Variants in SIK3 observed in about 807,000 individuals in gnomAD.
The protein encoded by SIK3 is serine/threonine-protein kinase SIK3.
In SIK3, 28 loss-of-function variants were observed where a neutral mutation model predicts 144.2. The observed-to-expected ratio is 0.19, with a 90% CI of 0.14 to 0.27. The LOEUF is 0.27. SIK3 is among the 10% of genes least tolerant of loss of function. SIK3 has a pLI of 1.00. For missense variants in SIK3, 1,319 were observed against 1,776.0 expected (o/e 0.74, Z 4.62); for synonymous variants, 686 against 676.3 (o/e 1.01, Z -0.22).
At chr11:116,962,683 A>C (rs7120762) in intron 1 of SIK3, among the ~76,000 whole-genome samples, 11,152 of 152,216 alleles carry the variant, frequency 0.073, 742 homozygotes, top group African/African-American at 0.18. Flanking sequence ...AGATCTGTAC[A>C]GTGTAATACA....
At chr11:116,932,431 T>G (rs1366608075) in intron 3 of SIK3, among the ~76,000 whole-genome samples, 1 of 152,212 alleles carries the variant, frequency 6.6e-6, no homozygotes, top group Non-Finnish European at 1.5e-5. Context: ...TGCGTATGTA[T>G]AGTTCTATGT....
chr11:116,843,936 G>T lies in SIK3; in HGVS notation c.*1707C>A, dbSNP rs1941722489. 6.6e-6 allele frequency: 1 copy of T among 152,170 alleles called. No individual in the cohort carries two copies. The highest frequency in any genetic ancestry group is 1.5e-5 in the Non-Finnish European group (1 of 68,064). 9.4% of individuals were successfully genotyped at this position (152,170 alleles called of 1,614,324 possible). On this transcript the variant is annotated 3_prime_UTR_variant, in exon 25 of 25. Transcript: ENST00000445177. ...CCGAGCTGCCAGTATCAGTGGAGAA[G>T]GACAAGGTGCATGGGGATCCCGCCA...
In SIK3 at chr11:116,927,211, G is replaced by A. The variant is rs372231653; in HGVS notation, c.616+8C>T. The A allele has an allele frequency of 1.2e-6, 2 of 1,611,866 alleles. No homozygotes were observed. The highest frequency in any genetic ancestry group is 1.6e-4 in the Middle Eastern group (1 of 6,074). On this transcript the variant is annotated splice_region_variant and intron_variant, in intron 4 of 24. Transcript: ENST00000445177. ...GTCCCTATCTGACATCCTCAGTACA[G>A]TTCTCACCTGCTATTTTGATATTCA...
intron 1 of SIK3, among the ~76,000 whole-genome samples, chr11:117,096,748 G>C (rs1955492085): frequency 6.6e-6 from 1 of 152,172 alleles, no homozygotes; most frequent in South Asian, 2.1e-4. Context: ...CAGGCAGAAA[G>C]ATGGTGGGGA....
chr11:116,844,842 T>C lies in SIK3; in HGVS notation c.*801A>G, dbSNP rs937788456. The C allele has an allele frequency of 6.6e-6, 1 of 151,240 alleles. No individual in the cohort carries two copies. Among genetic ancestry groups the C allele is most frequent in the African/African-American group, 2.4e-5 (1 of 41,146 alleles). The allele number at this position is 151,240 out of a possible 1,614,324, so 9.4% of individuals were successfully genotyped here. ...GCAGGATGATAAAGGCAACCAACTT[T>C]CCAGGTTACAAGAGGGGAGCTGAGT... On this transcript the variant is annotated 3_prime_UTR_variant, in exon 25 of 25. Transcript: ENST00000445177.
intron 1 of SIK3, among the ~76,000 whole-genome samples, chr11:116,969,247 A>G (rs1949679615): frequency 2.2e-5 from 3 of 136,484 alleles, no homozygotes; most frequent in Admixed American, 1.7e-4. Flanking sequence ...CCGAGATGGC[A>G]CCACCGCACT....
chr11:117,006,881 A>G (rs564029890), intron 1 of SIK3, among the ~76,000 whole-genome samples: 43 of 152,306 alleles, frequency 2.8e-4, no homozygotes, highest in African/African-American at 1.0e-3. Flanking sequence ...TCTTGTTATT[A>G]AATACTATTA....
Position 116,873,929 on chromosome 11 carries a change from G to C in SIK3, c.1555C>G (p.Gln519Glu), listed in dbSNP as rs773351613. The C allele has an allele frequency of 1.5e-5, 25 of 1,613,070 alleles. No individual in the cohort carries two copies. Among genetic ancestry groups the C allele is most frequent in the Non-Finnish European group, 1.9e-5 (23 of 1,179,650 alleles). Residue 519 changes from glutamine (Q) to glutamate (E), a missense_variant, in exon 12 of 25, where the codon CAA becomes GAA. This residue lies in a region of SIK3 where 167 missense variants were observed against 263.3 expected (regional missense o/e 0.63). Coordinates refer to ENST00000445177, the MANE Select transcript of SIK3 (RefSeq NM_001366686.3). The stretch of plus-strand genomic sequence containing the variant: ...TTGTACTCAAGTTGCCCGGTTGGTT[G>C]CAAGTTTTGCATAGGCAACAGGTTG... Reference protein sequence around the residue: ...MHNLLPMQNLQPTGQLEYKEQ... With the variant: ...MHNLLPMQNLEPTGQLEYKEQ...
rs140793558 is a variant in SIK3, at chr11:116,940,038, T to C, written c.455-12658A>G. On this transcript the variant is annotated intron_variant, in intron 3 of 24. Coordinates refer to ENST00000445177, the MANE Select transcript of SIK3 (RefSeq NM_001366686.3). The stretch of plus-strand genomic sequence containing the variant: ...TAGTAAGGAATTACTGTCAATGCTG[T>C]TGTATGTAAGAATGGCATTGTAGAC... 1.4e-3 allele frequency among the ~76,000 whole-genome samples: 208 copies of C among 152,264 alleles called. 1 individual carries two copies. Among genetic ancestry groups the C allele is most frequent in the African/African-American group, 4.5e-3 (186 of 41,546 alleles).
chr11:116,867,166 T>TAGTA lies in SIK3; in HGVS notation c.1952+776_1952+779dup, dbSNP rs1943690730. Among the ~76,000 whole-genome samples the TAGTA allele has an allele frequency of 6.6e-6, 1 of 152,216 alleles. No homozygotes were observed. Among genetic ancestry groups the TAGTA allele is most frequent in the Non-Finnish European group, 1.5e-5 (1 of 68,026 alleles). ...CAAAAGACAGAAATAAAATACGCTC[T>TAGTA]AGTAACTGGTGGTGGCTTTGAACGT... On this transcript the variant is annotated intron_variant, in intron 15 of 24. Transcript: ENST00000445177. This position sits in a 1 kb window ranked among gnomAD's most constrained non-coding sequence, Gnocchi z 4.1.
intron 1 of SIK3, among the ~76,000 whole-genome samples, chr11:116,959,043 T>C (rs577301166): frequency 6.6e-6 from 1 of 152,296 alleles, no homozygotes; most frequent in South Asian, 2.1e-4. Context: ...CTTGCAGATA[T>C]ATCCCCATAG....
chr11:117,021,947 A>C lies in SIK3; in HGVS notation c.274-64883T>G, dbSNP rs1430602910. Reference sequence around the variant, plus strand: ...TCTCTACAAAAAAAAAAAAAAAAAAAAAAAAAAAAAAAAACCTAAAAATAA... The same window carrying C: ...TCTCTACAAAAAAAAAAAAAAAAAACAAAAAAAAAAAAAACCTAAAAATAA... On this transcript the variant is annotated intron_variant, in intron 1 of 24. Transcript: ENST00000445177. Among the ~76,000 whole-genome samples, 208 of 131,898 alleles carry C rather than the reference A, an allele frequency of 1.6e-3. 2 individuals are homozygous for C. The highest frequency in any genetic ancestry group is 4.8e-3 in the African/African-American group (143 of 29,492). 86.5% of individuals were successfully genotyped at this position (131,898 alleles called of 152,430 possible).
chr11:116,996,734 C>T (rs1195849765), intron 1 of SIK3, among the ~76,000 whole-genome samples: 2 of 141,682 alleles, frequency 1.4e-5, no homozygotes, highest in Non-Finnish European at 3.0e-5. Context: ...GCATAGGAAT[C>T]GCTTGAACTC....
chr11:117,056,952 C>T (rs187697840), intron 1 of SIK3, among the ~76,000 whole-genome samples: 95 of 152,294 alleles, frequency 6.2e-4, no homozygotes, highest in African/African-American at 2.1e-3. Flanking sequence ...CAGGTCAATA[C>T]GCTGACATGA....
At position 117,078,557 on chromosome 11, in the gene SIK3, G is replaced by T. The variant is rs139124228; in HGVS notation, c.273+19586C>A. 9.5e-3 allele frequency among the ~76,000 whole-genome samples: 1,436 copies of T among 151,560 alleles called. 27 individuals carry two copies. Among genetic ancestry groups the T allele is most frequent in the African/African-American group, 0.033 (1,364 of 41,244 alleles). ...AGCCTCCCAAGTAGCTGGGATTACA[G>T]GCCCAGCTAATTTTTTTGTATTTTT... On this transcript the variant is annotated intron_variant, in intron 1 of 24. Coordinates refer to ENST00000445177, the MANE Select transcript of SIK3 (RefSeq NM_001366686.3).
intron 1 of SIK3, among the ~76,000 whole-genome samples, chr11:117,001,785 C>T (rs771145830): frequency 8.5e-5 from 13 of 152,180 alleles, no homozygotes; most frequent in Non-Finnish European, 1.5e-4. Flanking sequence ...TGAATGATTA[C>T]AATAGTCTTC....
At chr11:116,927,818 G>A (rs1947358676) in intron 3 of SIK3, among the ~76,000 whole-genome samples, 1 of 152,194 alleles carries the variant, frequency 6.6e-6, no homozygotes, top group South Asian at 2.1e-4. Context: ...GGAAAGGGTG[G>A]ACAGAAATTC....
chr11:116,897,070 G>T, intron 5 of SIK3, 123 bp downstream of exon 5: 229 of 810,428 alleles, frequency 2.8e-4, no homozygotes, highest in Middle Eastern at 1.3e-3. Flanking sequence ...ATTGGGACTT[G>T]AAAGAACAGG....
chr11:116,974,824 T>C (rs1949890510), intron 1 of SIK3, among the ~76,000 whole-genome samples: 1 of 152,210 alleles, frequency 6.6e-6, no homozygotes, highest in South Asian at 2.1e-4. Context: ...GTTTTCTCAA[T>C]TGTATTTTTT....
Sources: allele counts gnomAD v4.1 joint callset (sites outside exome capture counted in the v4.1 genomes callset), GRCh38; gene constraint gnomAD v4.1.1; regional missense constraint gnomAD v4.1.1; non-coding constraint Gnocchi (gnomAD v3.1); transcripts MANE v1.5; gene names NCBI Gene and HGNC (gene_info 2026-07-23, HGNC 2026-07-21).